PCDHGA9: variants seen among roughly 807,000 people sequenced by gnomAD.
PCDHGA9 encodes the protein protocadherin gamma subfamily A, 9.
A neutral mutation model predicts 62.5 loss-of-function variants in PCDHGA9; 37 were observed. The observed-to-expected ratio is 0.59, with a 90% CI of 0.46 to 0.78. PCDHGA9 has a LOEUF of 0.78. PCDHGA9 is among the 30% of genes least tolerant of loss of function. The pLI is 0.00. For missense variants in PCDHGA9, 1,138 were observed against 1,166.2 expected (o/e 0.98, Z 0.35); for synonymous variants, 459 against 484.6 (o/e 0.95, Z 0.69).
At chr5:141,479,470 T>G (rs2099497188) in intron 1 of PCDHGA9, 1 of 152,250 alleles carries the variant, frequency 6.6e-6, no homozygotes, top group African/African-American at 2.4e-5. Context: ...CAGTGACCTC[T>G]TGGGAGGGCA....
At position 141,489,244 on chromosome 5, in the gene PCDHGA9, G is replaced by C. The variant is rs145484133; in HGVS notation, c.2425-5563G>C. The C allele has an allele frequency of 3.3e-6, 5 of 1,534,936 alleles. No homozygotes were observed. Among genetic ancestry groups the C allele is most frequent in the African/African-American group, 1.4e-5 (1 of 72,374 alleles). On this transcript the variant is annotated intron_variant, in intron 1 of 3. Transcript: ENST00000573521. This position sits in a 1 kb window ranked among gnomAD's most constrained non-coding sequence, Gnocchi z 4.5. ...TCCACAAAGGGACTTCTGGGTCATGGGGCCCAAGACACTCCCACAGCTCGC... is the reference window on the plus strand; with the variant it reads ...TCCACAAAGGGACTTCTGGGTCATGCGGCCCAAGACACTCCCACAGCTCGC...
Position 141,431,677 on chromosome 5 carries a change from G to T in PCDHGA9, c.2424+26301G>T. The T allele has an allele frequency of 1.2e-6, 2 of 1,614,236 alleles. No homozygotes were observed. Among genetic ancestry groups the T allele is most frequent in the Non-Finnish European group, 1.7e-6 (2 of 1,180,050 alleles). ...CAGGGACAATATCAACAATAGGGGAGTTGGACCACGAGGAGTCAGGATTCT... is the reference window on the plus strand; with the variant it reads ...CAGGGACAATATCAACAATAGGGGATTTGGACCACGAGGAGTCAGGATTCT... On this transcript the variant is annotated intron_variant, in intron 1 of 3. Coordinates refer to ENST00000573521, the MANE Select transcript of PCDHGA9 (RefSeq NM_018921.3). The surrounding 1 kb of genome is among the most constrained non-coding windows in gnomAD (Gnocchi z 4.8).
chr5:141,416,458 G>A (rs1391820726), intron 1 of PCDHGA9: 1 of 152,194 alleles, frequency 6.6e-6, no homozygotes, highest in Non-Finnish European at 1.5e-5. Flanking sequence ...TGGGAAGACA[G>A]ATAAATTTGT....
intron 1 of PCDHGA9, among the ~76,000 whole-genome samples, chr5:141,479,789 T>C (rs888217885): frequency 3.3e-5 from 5 of 152,196 alleles, no homozygotes; most frequent in Non-Finnish European, 2.9e-5. Flanking sequence ...AAAGCATTCA[T>C]TAATTCAGGG....
intron 1 of PCDHGA9, chr5:141,415,453 G>A (rs759873920): frequency 1.9e-6 from 3 of 1,614,176 alleles, no homozygotes. Context: ...CTATTCCCAC[G>A]AGGTCTCTCT....
At chr5:141,452,193 GT>G (rs1375451557) in intron 1 of PCDHGA9, among the ~76,000 whole-genome samples, 1 of 151,990 alleles carries the variant, frequency 6.6e-6, no homozygotes, top group Non-Finnish European at 1.5e-5. Context: ...ACCTCAAATT[GT>G]TTTAGATGTT....
chr5:141,473,892 G>C (rs1247711441), intron 1 of PCDHGA9, among the ~76,000 whole-genome samples: 1 of 152,138 alleles, frequency 6.6e-6, no homozygotes, highest in African/African-American at 2.4e-5. Context: ...GGGTTCTGTT[G>C]GTTCATGAAG....
At chr5:141,501,036 T>C (rs893597004) in intron 2 of PCDHGA9, among the ~76,000 whole-genome samples, 4 of 151,702 alleles carry the variant, frequency 2.6e-5, no homozygotes, top group Non-Finnish European at 4.4e-5. Flanking sequence ...GCCCAGCTAA[T>C]TTTTGTATTT....
intron 3 of PCDHGA9, 133 bp downstream of exon 3, chr5:141,505,614 AC>A: frequency 6.6e-7 from 1 of 1,510,758 alleles, no homozygotes; most frequent in Non-Finnish European, 8.9e-7. Flanking sequence ...GTCTGAAAGG[AC>A]CCACAATTCC....
rs770760145 is a variant in PCDHGA9 at position 141,421,951 on chromosome 5, A to C, written c.2424+16575A>C. On this transcript the variant is annotated intron_variant, in intron 1 of 3. Transcript: ENST00000573521. Reference sequence around the variant, plus strand: ...CCTCGATGTAAATGATCACATCCCAATGTTTACACAGTCCGTATATCGCGT... The same window carrying C: ...CCTCGATGTAAATGATCACATCCCACTGTTTACACAGTCCGTATATCGCGT... 1.9e-6 allele frequency: 3 copies of C among 1,612,854 alleles called. No homozygotes were observed. The highest frequency in any genetic ancestry group is 2.5e-6 in the Non-Finnish European group (3 of 1,179,434).
Position 141,403,278 on chromosome 5 carries a change from T to C in PCDHGA9, c.326T>C (p.Leu109Pro), listed in dbSNP as rs1254967384. 1.2e-6 allele frequency: 2 copies of C among 1,613,784 alleles called. No homozygotes were observed. Among genetic ancestry groups the C allele is most frequent in the Non-Finnish European group, 1.7e-6 (2 of 1,179,914 alleles). ...CGGTGTCTGGTGAACTTTAAAGTCC[T>C]GGTTGAAGACAGAGTGAAACTGTAC... ...SPRCLVNFKVLVEDRVKLYGI... is the reference protein window; with the variant it reads ...SPRCLVNFKVPVEDRVKLYGI... The change falls in exon 1 of 4, where the codon CTG becomes CCG. Residue 109 changes from leucine (L) to proline (P), a missense_variant. Physicochemically the swap from Leu to Pro is moderately conservative, Grantham distance 98. Coordinates refer to ENST00000573521, the MANE Select transcript of PCDHGA9 (RefSeq NM_018921.3).
Position 141,431,451 on chromosome 5 carries a change from T to C in PCDHGA9, c.2424+26075T>C. On this transcript the variant is annotated intron_variant, in intron 1 of 3. Transcript: ENST00000573521. The surrounding 1 kb of genome is among the most constrained non-coding windows in gnomAD (Gnocchi z 4.8). ...ACAGGCACCGCGCGCATCCGCGTGA[T>C]GGTTCTGGATGCGAACGACAACGCA... The C allele has an allele frequency of 6.2e-7, 1 of 1,613,762 alleles. No individual in the cohort carries two copies. Among genetic ancestry groups the C allele is most frequent in the African/African-American group, 1.3e-5 (1 of 75,072 alleles).
chr5:141,462,240 A>G (rs375419703), intron 1 of PCDHGA9, among the ~76,000 whole-genome samples: 2 of 152,216 alleles, frequency 1.3e-5, no homozygotes, highest in South Asian at 4.1e-4. Context: ...GATTACAGGT[A>G]TGAGCCACCA....
intron 1 of PCDHGA9, among the ~76,000 whole-genome samples, chr5:141,454,831 A>C (rs1489772379): frequency 1.3e-5 from 1 of 78,366 alleles, no homozygotes; most frequent in African/African-American, 6.7e-5. Context: ...TTTTTGAGAC[A>C]GAGTCGCGCT....
At chr5:141,451,180 T>C (rs1318435826) in intron 1 of PCDHGA9, among the ~76,000 whole-genome samples, 4 of 152,180 alleles carry the variant, frequency 2.6e-5, no homozygotes, top group Non-Finnish European at 4.4e-5. Flanking sequence ...ATTTAGCCAT[T>C]GCTGTGTAAC....
Position 141,431,732 on chromosome 5 carries a change from G to C in PCDHGA9, c.2424+26356G>C. 1 of 1,614,238 alleles carries C rather than the reference G, an allele frequency of 6.2e-7. No individual in the cohort carries two copies. Among genetic ancestry groups the C allele is most frequent in the Non-Finnish European group, 8.5e-7 (1 of 1,180,046 alleles). On this transcript the variant is annotated intron_variant, in intron 1 of 3. Coordinates refer to ENST00000573521, the MANE Select transcript of PCDHGA9 (RefSeq NM_018921.3). The surrounding 1 kb of genome is among the most constrained non-coding windows in gnomAD (Gnocchi z 4.8). ...GATGGAAGTGCAAGCAATGGATAAT[G>C]CAGGATATTCTGCGCGAGCCAAAGT...
intron 2 of PCDHGA9, among the ~76,000 whole-genome samples, chr5:141,501,290 T>TAC (rs55762287): frequency 0.12 from 16,682 of 135,960 alleles, 995 homozygotes; most frequent in African/African-American, 0.18. Flanking sequence ...TATTCCCTTA[T>TAC]ACACACACAC....
intron 1 of PCDHGA9, among the ~76,000 whole-genome samples, chr5:141,444,229 T>G (rs957213677): frequency 4.6e-5 from 6 of 130,226 alleles, no homozygotes; most frequent in Admixed American, 9.4e-5. Context: ...TGGAGTGCAA[T>G]GGCATGCTCT....
Position 141,415,580 on chromosome 5 carries a change from A to C in PCDHGA9, c.2424+10204A>C, listed in dbSNP as rs773634634. The C allele has an allele frequency of 4.3e-6, 7 of 1,613,976 alleles. No individual in the cohort carries two copies. The Admixed American group carries it at 1.2e-4, about 27-fold the overall frequency. Reference sequence around the variant, plus strand: ...CCTTTGTCTTTGTTAGATGATTCGAAGTTTCCTATAGAGGATACCCCATTG... The same window carrying C: ...CCTTTGTCTTTGTTAGATGATTCGACGTTTCCTATAGAGGATACCCCATTG... On this transcript the variant is annotated intron_variant, in intron 1 of 3. Transcript: ENST00000573521.
Sources: gnomAD v4.1 joint callset for allele counts (sites outside exome capture counted in the v4.1 genomes callset) on GRCh38, gnomAD v4.1.1 for gene constraint, Gnocchi (gnomAD v3.1) non-coding constraint, MANE v1.5 for transcripts, NCBI Gene and HGNC (gene_info 2026-07-23, HGNC 2026-07-21) for gene names.